Variants in OXSR1 observed in about 807,000 individuals in gnomAD.
OXSR1 encodes serine/threonine-protein kinase OSR1.
In OXSR1, 24 loss-of-function variants were observed where a neutral mutation model predicts 79.8. The observed-to-expected ratio is 0.30, with a 90% CI of 0.22 to 0.42. The LOEUF is 0.42. Among genes scored for constraint, OXSR1 ranks in the 10% least tolerant of loss-of-function variants. The pLI is 1.00. For missense variants in OXSR1, 430 were observed against 618.4 expected (o/e 0.70, Z 3.23); for synonymous variants, 226 against 209.2 (o/e 1.08, Z -0.69).
chr3:38,228,986 C>T (rs998608394), intron 8 of OXSR1, among the ~76,000 whole-genome samples: 1 of 152,156 alleles, frequency 6.6e-6, no homozygotes, highest in Non-Finnish European at 1.5e-5. Context: ...TGCTCAGGAT[C>T]AGGTAGGTGT....
At chr3:38,243,026 A>ATTTT (rs1703067448) in intron 12 of OXSR1, among the ~76,000 whole-genome samples, 1 of 150,076 alleles carries the variant, frequency 6.7e-6, no homozygotes, top group Admixed American at 6.7e-5. Flanking sequence ...TTATTTATTT[A>ATTTT]TTTATTTATT....
At chr3:38,168,805 A>G (rs1168925739) in intron 1 of OXSR1, among the ~76,000 whole-genome samples, 1 of 152,124 alleles carries the variant, frequency 6.6e-6, no homozygotes, top group Non-Finnish European at 1.5e-5. Flanking sequence ...TTTACTTTCC[A>G]TAATGCTTTT....
intron 4 of OXSR1, among the ~76,000 whole-genome samples, chr3:38,207,902 CCCCCTCCCCCTCCCCT>C (rs1702300527): frequency 1.0e-5 from 1 of 96,534 alleles, no homozygotes; most frequent in Non-Finnish European, 2.0e-5. Context: ...TTCCTCCCTC[CCCCCTCCCCCTCCCCT>C]CCCCTCCCCT....
intron 3 of OXSR1, among the ~76,000 whole-genome samples, chr3:38,193,073 A>G (rs1370622773): frequency 6.6e-6 from 1 of 152,172 alleles, no homozygotes; most frequent in Non-Finnish European, 1.5e-5. Context: ...GCTCTTTGAA[A>G]CTTTTTACTT....
Position 38,183,042 on chromosome 3 carries a change from C to G in OXSR1, c.110C>G (p.Ala37Gly). 3 of 1,612,572 alleles carry G rather than the reference C, an allele frequency of 1.9e-6. No homozygotes were observed. The highest frequency in any genetic ancestry group is 2.5e-6 in the Non-Finnish European group (3 of 1,179,160). The change falls in exon 2 of 18, where the codon GCC becomes GGC. Residue 37 changes from alanine to glycine, a missense_variant. Coordinates refer to ENST00000311806, the MANE Select transcript of OXSR1 (RefSeq NM_005109.3). ...GCTGTAGTCCAAGCAGCTTATTGTG[C>G]CCCTAAAAAGGAGAAAGTGGCAATC... is the stretch of plus-strand genomic sequence containing the variant. ...ATAVVQAAYCAPKKEKVAIKR... is the reference protein window; with the variant it reads ...ATAVVQAAYCGPKKEKVAIKR...
At chr3:38,201,737 G>A (rs999473091) in intron 4 of OXSR1, among the ~76,000 whole-genome samples, 4 of 151,958 alleles carry the variant, frequency 2.6e-5, no homozygotes, top group African/African-American at 9.7e-5. Context: ...GGTGGTGCTT[G>A]CCTGTGGTCT....
intron 3 of OXSR1, among the ~76,000 whole-genome samples, chr3:38,194,286 A>G (rs948528575): frequency 1.3e-5 from 2 of 152,196 alleles, no homozygotes; most frequent in Non-Finnish European, 2.9e-5. Flanking sequence ...GAGGTGGCTC[A>G]TGCCTGCTGT....
Position 38,176,894 on chromosome 3 carries a change from C to T in OXSR1, c.71-6109C>T, listed in dbSNP as rs1030264183. ...TTAAAATCAAACATTTCTTTATCTA[C>T]ATTTTTAACCCCAGCATGGTTTTGG... On this transcript the variant is annotated intron_variant, in intron 1 of 17. Transcript: ENST00000311806. Among the ~76,000 whole-genome samples the T allele has an allele frequency of 2.6e-5, 4 of 152,170 alleles. No homozygotes were observed. In the East Asian group the frequency reaches 7.7e-4, roughly 29 times the overall value.
intron 6 of OXSR1, among the ~76,000 whole-genome samples, chr3:38,222,494 G>A (rs1034984028): frequency 9.2e-5 from 14 of 152,144 alleles, no homozygotes; most frequent in Non-Finnish European, 1.9e-4. Flanking sequence ...AGCAGAGTGG[G>A]GAGGGGAACT....
At position 38,254,898 on chromosome 3, in the gene OXSR1, A is replaced by G. The variant is rs1703332483; in HGVS notation, c.*2007A>G. The G allele has an allele frequency of 6.6e-6, 1 of 152,634 alleles. No individual in the cohort carries two copies. The highest frequency in any genetic ancestry group is 2.1e-4 in the South Asian group (1 of 4,828). 9.5% of individuals were successfully genotyped at this position (152,634 alleles called of 1,614,324 possible). ...ACCTGTGAACTGCAGTGGGGCAGTC[A>G]TGGCAAATAGAATTGGGCTGGGGTT... is the stretch of plus-strand genomic sequence containing the variant. On this transcript the variant is annotated 3_prime_UTR_variant, in exon 18 of 18. Transcript: ENST00000311806.
At chr3:38,186,970 TTGTTA>T (rs1701897131) in intron 2 of OXSR1, among the ~76,000 whole-genome samples, 1 of 152,224 alleles carries the variant, frequency 6.6e-6, no homozygotes, top group South Asian at 2.1e-4. Flanking sequence ...TCACCAATAC[TTGTTA>T]TTGTTCATCT....
intron 2 of OXSR1, among the ~76,000 whole-genome samples, chr3:38,189,525 G>A (rs1701945213): frequency 1.3e-5 from 2 of 152,222 alleles, no homozygotes; most frequent in African/African-American, 2.4e-5. Context: ...TAAAGATGAT[G>A]AGAAATTGAA....
intron 3 of OXSR1, among the ~76,000 whole-genome samples, chr3:38,196,960 T>C (rs1425961106): frequency 1.3e-5 from 2 of 152,250 alleles, no homozygotes; most frequent in Non-Finnish European, 2.9e-5. Flanking sequence ...TACGATAATT[T>C]TAGGTATTAC....
At chr3:38,193,658 G>A (rs1702024442) in intron 3 of OXSR1, among the ~76,000 whole-genome samples, 1 of 148,606 alleles carries the variant, frequency 6.7e-6, no homozygotes, top group African/African-American at 2.5e-5. Context: ...CTCTCAGTGA[G>A]TATATGTCTT....
intron 1 of OXSR1, among the ~76,000 whole-genome samples, chr3:38,174,653 G>A (rs1388038441): frequency 6.6e-6 from 1 of 152,188 alleles, no homozygotes; most frequent in Non-Finnish European, 1.5e-5. Flanking sequence ...GGTGGAAGGA[G>A]GTTATCCAGG....
chr3:38,248,168 G>A (rs1703182811), intron 14 of OXSR1, among the ~76,000 whole-genome samples: 1 of 152,022 alleles, frequency 6.6e-6, no homozygotes, highest in African/African-American at 2.4e-5. Flanking sequence ...TAAAGGCCTT[G>A]TTTTTAGAAG....
chr3:38,164,604 C>A (rs559548685), upstream of OXSR1, among the ~76,000 whole-genome samples: 3 of 152,288 alleles, frequency 2.0e-5, no homozygotes, highest in South Asian at 6.2e-4. Context: ...AACGGCCGTA[C>A]GTAGTCAAAC....
chr3:38,247,668 G>A lies in OXSR1; in HGVS notation c.1258G>A (p.Ala420Thr). The change falls in exon 14 of 18, where the codon GCT becomes ACT. Residue 420 changes from alanine to threonine, a missense_variant and splice_region_variant. Ala to Thr is a moderately conservative substitution (Grantham distance 58). Coordinates refer to ENST00000311806, the MANE Select transcript of OXSR1 (RefSeq NM_005109.3). ...PTAEPAKTAQALSSGSGSQET... is the reference protein window; with the variant it reads ...PTAEPAKTAQTLSSGSGSQET... ...CTGTATACCTTTCAATGCTTTTTAG[G>A]CTTTGTCTTCAGGATCAGGTTCACA... 3.7e-6 allele frequency: 6 copies of A among 1,609,970 alleles called. No homozygotes were observed. The highest frequency in any genetic ancestry group is 3.4e-6 in the Non-Finnish European group (4 of 1,176,480).
At chr3:38,249,651 A>G (rs1182261022) in intron 14 of OXSR1, among the ~76,000 whole-genome samples, 2 of 152,048 alleles carry the variant, frequency 1.3e-5, no homozygotes, top group South Asian at 4.2e-4. Flanking sequence ...TGCTCATACA[A>G]TTTTCCTCTT....
Sources: allele counts gnomAD v4.1 joint callset (sites outside exome capture counted in the v4.1 genomes callset), GRCh38; gene constraint gnomAD v4.1.1; transcripts MANE v1.5; gene names NCBI Gene and HGNC (gene_info 2026-07-23, HGNC 2026-07-21).